The following KLHL15 variants were observed in gnomAD, a reference collection of about 807,000 sequenced individuals.
The protein encoded by KLHL15 is kelch-like protein 15.
A neutral mutation model predicts 29.3 loss-of-function variants in KLHL15; 1 was observed. The observed-to-expected ratio is 0.03, with a 90% confidence interval of 0.01 to 0.16. The LOEUF (loss-of-function observed/expected upper bound fraction) is 0.16, where lower values mean the gene tolerates loss of function less well. Ranked by LOEUF, KLHL15 falls within the 10% of genes least tolerant of loss-of-function variation. The pLI, the probability that KLHL15 is intolerant of heterozygous loss-of-function variation, is 1.00. For synonymous variants in KLHL15, 212 were observed against 184.5 expected, an observed-to-expected ratio of 1.15 and a Z score of -1.21; for missense variants, 215 against 478.5, an observed-to-expected ratio of 0.45 and a Z score of 5.14.
intron 2 of KLHL15, among the ~76,000 whole-genome samples, chrX:24,008,879 AAAAAC>A (rs1929512331): frequency 2.3e-5 from 2 of 86,083 alleles, no homozygotes; most frequent in African/African-American, 7.2e-5. Context: ...TAGAAAAAAA[AAAAAC>A]AAAACAAAAA....
intron 3 of KLHL15, among the ~76,000 whole-genome samples, chrX:24,001,934 C>G (rs914942869): frequency 9.3e-6 from 1 of 107,527 alleles, no homozygotes; most frequent in Non-Finnish European, 1.9e-5. Context: ...GAGATCGAGA[C>G]CATCCTGGCT....
chrX:24,003,678 T>C (rs751012556), intron 3 of KLHL15, among the ~76,000 whole-genome samples: 129 of 106,173 alleles, frequency 1.2e-3, no homozygotes, highest in African/African-American at 3.4e-3. Context: ...TGTGTGTGTG[T>C]GCTCGTGTGC....
chrX:24,002,139 A>AAATG (rs1391010364), intron 3 of KLHL15, among the ~76,000 whole-genome samples: 1 of 95,751 alleles, frequency 1.0e-5, no homozygotes, highest in African/African-American at 5.1e-5. Context: ...TCTCAAAAGA[A>AAATG]AATGAATAAA....
At chrX:24,017,700 G>A (rs182951985) in intron 2 of KLHL15, among the ~76,000 whole-genome samples, 18 of 102,066 alleles carry the variant, frequency 1.8e-4, no homozygotes, top group Non-Finnish European at 2.9e-4. Context: ...AGGATAAACT[G>A]AGCCCGGGAG....
At chrX:24,022,381 G>A (rs1602020121) in intron 2 of KLHL15, among the ~76,000 whole-genome samples, 3 of 77,748 alleles carry the variant, frequency 3.9e-5, no homozygotes, top group East Asian at 1.1e-3. Context: ...GGTGGCTCCC[G>A]CCTGCGCTTT....
chrX:24,024,813 G>A (rs962292278), intron 2 of KLHL15, 44 bp downstream of exon 2: 11 of 296,651 alleles, frequency 3.7e-5, no homozygotes, highest in African/African-American at 2.2e-4. Context: ...GGCCGCGGGC[G>A]AAGCCCGGGC....
chrX:24,003,835 C>T (rs909554033), intron 3 of KLHL15, among the ~76,000 whole-genome samples: 22 of 108,793 alleles, frequency 2.0e-4, no homozygotes, highest in Non-Finnish European at 4.0e-4. Flanking sequence ...CATCTATAAT[C>T]CCAGCACTCT....
At chrX:23,995,075 T>C (rs1929158167) in intron 3 of KLHL15, among the ~76,000 whole-genome samples, 1 of 111,497 alleles carries the variant, frequency 9.0e-6, no homozygotes, top group Non-Finnish European at 1.9e-5. Context: ...ATGATTAACT[T>C]TGAATACAGT....
chrX:24,008,978 T>C (rs369376845), intron 2 of KLHL15, among the ~76,000 whole-genome samples: 2 of 111,587 alleles, frequency 1.8e-5, no homozygotes, highest in East Asian at 5.6e-4. Context: ...ACTTGGCCTT[T>C]TGCTCAGATA....
chrX:24,012,898 G>T (rs1404607000), intron 2 of KLHL15, among the ~76,000 whole-genome samples: 1 of 111,552 alleles, frequency 9.0e-6, no homozygotes, highest in African/African-American at 3.3e-5. Flanking sequence ...GTATGTAAAA[G>T]ATGAAATTAA....
At chrX:24,025,473 C>A (rs1192924941) in intron 1 of KLHL15, among the ~76,000 whole-genome samples, 1 of 105,516 alleles carries the variant, frequency 9.5e-6, no homozygotes, top group African/African-American at 3.4e-5. Context: ...CGGCAGGGGG[C>A]CCAGTGCGCT....
At chrX:24,011,706 G>A (rs1419001536) in intron 2 of KLHL15, among the ~76,000 whole-genome samples, 2 of 111,661 alleles carry the variant, frequency 1.8e-5, no homozygotes, top group Admixed American at 9.5e-5. Flanking sequence ...GGGAGGCTGA[G>A]GTGAGAGAAT....
At chrX:24,017,377 C>T (rs12843897) in intron 2 of KLHL15, among the ~76,000 whole-genome samples, 2 of 110,607 alleles carry the variant, frequency 1.8e-5, no homozygotes, top group Non-Finnish European at 3.8e-5. Context: ...TCATCATCAT[C>T]TTATTATCAA....
intron 2 of KLHL15, among the ~76,000 whole-genome samples, chrX:24,022,719 G>A (rs1004538074): frequency 1.9e-5 from 2 of 107,200 alleles, no homozygotes; most frequent in African/African-American, 6.8e-5. Flanking sequence ...CAACTGTTTC[G>A]CGGTTTTTTT....
In KLHL15 at chrX:23,983,735, A is replaced by T. The variant is rs1569263238; in HGVS notation, c.*4186T>A. On this transcript the variant is annotated 3_prime_UTR_variant, in exon 4 of 4. Coordinates refer to ENST00000328046, the MANE Select transcript of KLHL15 (RefSeq NM_030624.3). ...AAGAAGTATATTTTAAAGATTAAAAATATTTTATTTAAACTTTTCTTCATA... is the reference window on the plus strand; with the variant it reads ...AAGAAGTATATTTTAAAGATTAAAATTATTTTATTTAAACTTTTCTTCATA... 1 of 112,484 alleles carries T rather than the reference A, an allele frequency of 8.9e-6. No homozygotes were observed. The highest frequency in any genetic ancestry group is 2.7e-4 in the East Asian group (1 of 3,638). 9.3% of individuals were successfully genotyped at this position (112,484 alleles called of 1,213,427 possible).
At chrX:23,992,273 G>A (rs748633408) in intron 3 of KLHL15, among the ~76,000 whole-genome samples, 2 of 112,280 alleles carry the variant, frequency 1.8e-5, no homozygotes, top group African/African-American at 6.4e-5. Flanking sequence ...GTGAGAGTAC[G>A]TGAAAAGGAT....
rs1182504800 is a variant in KLHL15 at position 23,988,248 on chromosome X, G to T, written c.1488C>A (p.Val496=). 5.8e-6 allele frequency: 7 copies of T among 1,209,595 alleles called. No individual in the cohort carries two copies. The African/African-American group carries it at 8.8e-5, about 15-fold the overall frequency. The change falls in exon 4 of 4, where the codon GTC becomes GTA. Residue 496 remains valine, a synonymous_variant. Coordinates refer to ENST00000328046, the MANE Select transcript of KLHL15 (RefSeq NM_030624.3). ...CGAAAGAGGCCCTCAAGATCACACA[G>T]ACACCACCGAAGACATAAAGCTTGC... is the stretch of plus-strand genomic sequence containing the variant. ...YNGKLYVFGG[V]CVILRASFES... is the part of the protein sequence containing the mutation.
intron 1 of KLHL15, among the ~76,000 whole-genome samples, chrX:24,025,609 C>G (rs1234237734): frequency 9.3e-6 from 1 of 107,794 alleles, no homozygotes; most frequent in Non-Finnish European, 1.9e-5. Flanking sequence ...GGGGCCAGCC[C>G]GTGGCCTGGC....
At chrX:23,992,713 A>G (rs944828455) in intron 3 of KLHL15, among the ~76,000 whole-genome samples, 2 of 112,575 alleles carry the variant, frequency 1.8e-5, no homozygotes, top group African/African-American at 6.4e-5. Flanking sequence ...CATAATTGCA[A>G]AATACACTGA....
Sources: allele counts gnomAD v4.1 joint callset (sites outside exome capture counted in the v4.1 genomes callset), GRCh38; gene constraint gnomAD v4.1.1; transcripts MANE v1.5; gene names NCBI Gene and HGNC (gene_info 2026-07-23, HGNC 2026-07-21).